SBF2: variants seen among roughly 807,000 people sequenced by gnomAD.
SBF2 encodes the protein SET binding factor 2, also known as myotubularin-related protein 13.
SBF2 carries 112 observed loss-of-function variants against 225.2 expected under a neutral mutation model. The observed-to-expected ratio is 0.50, with a 90% CI of 0.43 to 0.58. The LOEUF (loss-of-function observed/expected upper bound fraction) is 0.58. Ranked by LOEUF, SBF2 falls within the 20% of genes least tolerant of loss-of-function variation. The pLI, the probability that SBF2 is intolerant of heterozygous loss-of-function variation, is 0.00. For synonymous variants in SBF2, 763 were observed against 773.3 expected, an observed-to-expected ratio of 0.99 and a Z score of 0.22; for missense variants, 1,996 against 2,206.2, an observed-to-expected ratio of 0.90 and a Z score of 1.91.
intron 28 of SBF2, among the ~76,000 whole-genome samples, chr11:9,826,745 GTGTGTA>G (rs1402595191): frequency 2.1e-5 from 3 of 143,450 alleles, no homozygotes; most frequent in Admixed American, 1.4e-4. Context: ...GTGTGTGTGT[GTGTGTA>G]TGTGTGTGTG....
chr11:9,949,950 A>G (rs189350030), intron 16 of SBF2, among the ~76,000 whole-genome samples: 27 of 152,330 alleles, frequency 1.8e-4, no homozygotes, highest in Admixed American at 1.6e-3. Flanking sequence ...ACATACTTCA[A>G]AACATCATGT....
At chr11:10,058,800 C>G (rs1201409508) in intron 2 of SBF2, among the ~76,000 whole-genome samples, 1 of 152,190 alleles carries the variant, frequency 6.6e-6, no homozygotes. Context: ...ATCAGGCTGA[C>G]AGTAGACCAT....
chr11:9,813,242 T>C (rs1854290923), intron 29 of SBF2, among the ~76,000 whole-genome samples: 1 of 152,136 alleles, frequency 6.6e-6, no homozygotes, highest in African/African-American at 2.4e-5. Context: ...AACATATTCA[T>C]AATAAAAATG....
rs1324955052 is a variant in SBF2 at position 10,294,075 on chromosome 11, C to T, written c.-6G>A. On this transcript the variant is annotated 5_prime_UTR_variant, in exon 1 of 40. Transcript: ENST00000256190. Reference sequence around the variant, plus strand: ...TAGTCAGCCAGCCGGGCCATGGCCGCCGCCGCCGCGCTCGGGAAGCGGGTC... The same window carrying T: ...TAGTCAGCCAGCCGGGCCATGGCCGTCGCCGCCGCGCTCGGGAAGCGGGTC... 2.2e-6 allele frequency: 3 copies of T among 1,368,682 alleles called. No individual in the cohort carries two copies. Among genetic ancestry groups the T allele is most frequent in the East Asian group, 3.2e-5 (1 of 31,710 alleles). The allele number at this position is 1,368,682 out of a possible 1,614,324, so 84.8% of individuals were successfully genotyped here. A position where few individuals can be genotyped will look rare whatever the true frequency, so the allele number is the denominator to read the frequency against.
At chr11:10,007,820 T>C (rs556365555) in intron 6 of SBF2, among the ~76,000 whole-genome samples, 1 of 152,308 alleles carries the variant, frequency 6.6e-6, no homozygotes, top group East Asian at 1.9e-4. Flanking sequence ...AAGAGGTCAG[T>C]AGCCCCAGTG....
chr11:10,238,462 G>C (rs975685660), intron 1 of SBF2, among the ~76,000 whole-genome samples: 1 of 152,100 alleles, frequency 6.6e-6, no homozygotes, highest in Non-Finnish European at 1.5e-5. Flanking sequence ...AAGAAGGCTG[G>C]TGTAGCTCTA....
rs11607990 is a variant in SBF2, at chr11:9,932,968, A to C, written c.1860+28989T>G. On this transcript the variant is annotated intron_variant, in intron 16 of 39. Coordinates refer to ENST00000256190, the MANE Select transcript of SBF2 (RefSeq NM_030962.4). ...AAGCAAACGAAAAGCAAAAAAAAAA[A>C]AAAAAAAAAAAAAAAAAAACAGGTG... is the stretch of plus-strand genomic sequence containing the variant. 3.3e-3 allele frequency among the ~76,000 whole-genome samples: 492 copies of C among 148,494 alleles called. 6 individuals are homozygous for C. The highest frequency in any genetic ancestry group is 5.1e-3 in the South Asian group (24 of 4,682).
intron 17 of SBF2, among the ~76,000 whole-genome samples, chr11:9,880,165 CA>C (rs1286196663): frequency 6.9e-6 from 1 of 145,922 alleles, no homozygotes; most frequent in Non-Finnish European, 1.5e-5. Context: ...CCCCAGAGTT[CA>C]GGCCTTTTCC....
intron 1 of SBF2, among the ~76,000 whole-genome samples, chr11:10,278,858 A>G (rs570000217): frequency 6.6e-6 from 1 of 152,026 alleles, no homozygotes; most frequent in African/African-American, 2.4e-5. Context: ...CTTTCCTAAC[A>G]GTTTTTAATA....
intron 13 of SBF2, among the ~76,000 whole-genome samples, chr11:9,982,681 T>C (rs998889790): frequency 2.0e-5 from 3 of 152,022 alleles, no homozygotes; most frequent in African/African-American, 7.2e-5. Context: ...AAACCAGCAA[T>C]CTGGAGAGGA....
chr11:10,223,321 T>A (rs184013667), intron 1 of SBF2, among the ~76,000 whole-genome samples: 3 of 148,162 alleles, frequency 2.0e-5, no homozygotes, highest in African/African-American at 7.4e-5. Flanking sequence ...ACATAACTTT[T>A]AACTCTTCAA....
In SBF2 at chr11:9,785,430, C is replaced by T. The variant is rs898318141; in HGVS notation, c.5038-112G>A. 2.6e-5 allele frequency: 22 copies of T among 844,868 alleles called. No homozygotes were observed. In the African/African-American group the frequency reaches 3.0e-4, roughly 12 times the overall value. The allele number at this position is 844,868 out of a possible 1,614,324, so 52.3% of individuals were successfully genotyped here. On this transcript the variant is annotated intron_variant, in intron 36 of 39. Coordinates refer to ENST00000256190, the MANE Select transcript of SBF2 (RefSeq NM_030962.4). ...AGGAAAAAACTGGACTAATAAGCAA[C>T]AATAATGTACAAAGGTATCAATCTC...
At chr11:10,010,202 T>G (rs1277790285) in intron 6 of SBF2, among the ~76,000 whole-genome samples, 2 of 152,230 alleles carry the variant, frequency 1.3e-5, no homozygotes. Context: ...TGCCTGTCAC[T>G]CTGCTGATAG....
intron 2 of SBF2, 150 bp from the exon 3 acceptor site, chr11:10,043,131 A>G (rs1949719280): frequency 1.4e-6 from 1 of 739,764 alleles, no homozygotes; most frequent in Non-Finnish European, 2.2e-6. Flanking sequence ...AAGTTAATGT[A>G]CAGATTCATA....
intron 3 of SBF2, among the ~76,000 whole-genome samples, chr11:10,032,757 C>T (rs916289312): frequency 7.9e-5 from 12 of 152,186 alleles, no homozygotes; most frequent in African/African-American, 2.9e-4. Flanking sequence ...CTGTTTTGTT[C>T]AACGGTGATT....
At chr11:9,852,247 T>C (rs1857011086) in intron 21 of SBF2, among the ~76,000 whole-genome samples, 1 of 152,206 alleles carries the variant, frequency 6.6e-6, no homozygotes. Flanking sequence ...GGTCCAGGAC[T>C]CTGAATTTTT....
intron 16 of SBF2, chr11:9,929,412 G>T (rs993978400): frequency 4.4e-5 from 9 of 205,566 alleles, no homozygotes; most frequent in Non-Finnish European, 2.0e-5. Flanking sequence ...CTCAGGGGTA[G>T]GACCAAGAAG....
chr11:9,930,240 A>G (rs765360444), intron 16 of SBF2, among the ~76,000 whole-genome samples: 1 of 152,212 alleles, frequency 6.6e-6, no homozygotes, highest in Non-Finnish European at 1.5e-5. Context: ...AACTGCATTT[A>G]CTTTTTTACC....
chr11:10,158,359 A>G (rs191772782), intron 2 of SBF2, among the ~76,000 whole-genome samples: 35 of 152,274 alleles, frequency 2.3e-4, no homozygotes, highest in Admixed American at 3.9e-4. Flanking sequence ...AAATATAAAC[A>G]AGGAAAGCAA....
Sources: allele counts gnomAD v4.1 joint callset (sites outside exome capture counted in the v4.1 genomes callset), GRCh38; gene constraint gnomAD v4.1.1; transcripts MANE v1.5; gene names NCBI Gene and HGNC (gene_info 2026-07-23, HGNC 2026-07-21).